TENM2: variants seen among roughly 807,000 people sequenced by gnomAD.
The protein encoded by TENM2 is teneurin-2.
TENM2 carries 52 observed loss-of-function variants against 245.2 expected under a neutral mutation model. That is an observed-to-expected ratio of 0.21 (90% CI 0.17 to 0.27). The LOEUF is 0.27. TENM2 is among the 10% of genes least tolerant of loss of function. The probability of loss-of-function intolerance (pLI) is 1.00; values close to 1 mark genes in which losing one functional copy is unlikely to be tolerated. For synonymous variants in TENM2, 1,363 were observed against 1,438.9 expected (o/e 0.95, Z 1.19); for missense variants, 3,046 against 3,666.8 (o/e 0.83, Z 4.37).
the TENM2 span, among the ~76,000 whole-genome samples, chr5:167,138,803 A>G: frequency 6.6e-6 from 1 of 151,990 alleles, no homozygotes; most frequent in Admixed American, 6.6e-5. Flanking sequence ...TTGTGTTTTT[A>G]GTAGAGACAG....
At chr5:167,090,286 T>G in the TENM2 span, among the ~76,000 whole-genome samples, 1 of 146,300 alleles carries the variant, frequency 6.8e-6, no homozygotes, top group East Asian at 2.0e-4. Context: ...TTTCAAAGGT[T>G]TTTTTTTTTT....
At chr5:167,702,506 T>C (rs2150444784) in intron 2 of TENM2, among the ~76,000 whole-genome samples, 1 of 148,724 alleles carries the variant, frequency 6.7e-6, no homozygotes, top group South Asian at 2.1e-4. Flanking sequence ...TTTGTTTTAA[T>C]AAAGAAAGGG....
the TENM2 span, among the ~76,000 whole-genome samples, chr5:167,152,548 T>A: frequency 9.8e-5 from 15 of 152,322 alleles, no homozygotes; most frequent in African/African-American, 3.4e-4. Flanking sequence ...CTCTTACCTG[T>A]AGTCCAGGAT....
intron 2 of TENM2, among the ~76,000 whole-genome samples, chr5:167,661,719 C>A (rs886302191): frequency 6.6e-6 from 1 of 151,700 alleles, no homozygotes; most frequent in Non-Finnish European, 1.5e-5. Flanking sequence ...CACCTCCGAG[C>A]GCAGGGGTAT....
chr5:168,215,236 G>A (rs1763088214), exon 21 of TENM2: 2 of 1,613,932 alleles, frequency 1.2e-6, no homozygotes, highest in Non-Finnish European at 1.7e-6. Context: ...CGGGGATGGA[G>A]GGAAGGCCAT....
At chr5:167,862,241 A>ATATG (rs1554133553) in intron 2 of TENM2, among the ~76,000 whole-genome samples, 1 of 148,430 alleles carries the variant, frequency 6.7e-6, no homozygotes, top group Non-Finnish European at 1.5e-5. Flanking sequence ...AATTTAGAGT[A>ATATG]TGTGTGTGTG....
intron 2 of TENM2, among the ~76,000 whole-genome samples, chr5:167,515,845 T>A (rs1770347070): frequency 6.6e-6 from 1 of 151,644 alleles, no homozygotes; most frequent in Non-Finnish European, 1.5e-5. Context: ...ATATTTAGTT[T>A]AATCTATAAA....
At chr5:167,562,508 A>G (rs4044321) in intron 2 of TENM2, among the ~76,000 whole-genome samples, 88,084 of 151,862 alleles carry the variant, frequency 0.58, 26,108 homozygotes, top group Middle Eastern at 0.69. Context: ...TGCACTAACT[A>G]AGGTAAATTA....
chr5:167,226,322 C>A, the TENM2 span, among the ~76,000 whole-genome samples: 218 of 151,904 alleles, frequency 1.4e-3, 2 homozygotes, highest in African/African-American at 5.0e-3. Context: ...TTGCCCTAAC[C>A]CACAGATTTT....
At chr5:167,921,246 T>G (rs1265907326) in intron 3 of TENM2, among the ~76,000 whole-genome samples, 2 of 152,192 alleles carry the variant, frequency 1.3e-5, no homozygotes, top group African/African-American at 2.4e-5. Context: ...AAAAATATAT[T>G]TATTACATTT....
intron 10 of TENM2, among the ~76,000 whole-genome samples, chr5:168,122,314 C>T (rs920429724): frequency 6.6e-6 from 1 of 152,192 alleles, no homozygotes; most frequent in Admixed American, 6.5e-5. Context: ...GTAGCTGGGA[C>T]TACAGGCACC....
At chr5:167,257,570 T>A in the TENM2 span, among the ~76,000 whole-genome samples, 12 of 151,684 alleles carry the variant, frequency 7.9e-5, no homozygotes, top group African/African-American at 2.9e-4. Context: ...GCAAGTTAAT[T>A]GAGGCGAAGC....
At chr5:168,034,146 TATGTGTATATATATATGTATATATATAC>T (rs1301046405) in intron 5 of TENM2, among the ~76,000 whole-genome samples, 18,563 of 133,916 alleles carry the variant, frequency 0.14, 1,579 homozygotes, top group Admixed American at 0.24. Context: ...TATACATATA[TATGTGTATATATATATGTATATATATAC>T]ACACACACAC....
chr5:167,760,799 G>A (rs151197895), intron 2 of TENM2, among the ~76,000 whole-genome samples: 14 of 152,246 alleles, frequency 9.2e-5, no homozygotes, highest in African/African-American at 1.7e-4. Flanking sequence ...GATTACAGGC[G>A]CGTGCCACGA....
chr5:167,842,857 G>A (rs11738127), intron 2 of TENM2, among the ~76,000 whole-genome samples: 8,095 of 152,170 alleles, frequency 0.053, 256 homozygotes, highest in Non-Finnish European at 0.055. Flanking sequence ...GGCCAGTGGC[G>A]CACACTTAGC....
intron 2 of TENM2, among the ~76,000 whole-genome samples, chr5:167,838,911 A>G (rs544614273): frequency 7.9e-5 from 12 of 152,188 alleles, no homozygotes; most frequent in Non-Finnish European, 1.6e-4. Flanking sequence ...TAAGCACCTG[A>G]TGGCTGAGAC....
intron 1 of TENM2, among the ~76,000 whole-genome samples, chr5:167,337,123 C>CAAAAAAAAAAAAAAAAAAAAA (rs71591174): frequency 1.8e-5 from 1 of 56,668 alleles, no homozygotes; most frequent in African/African-American, 8.9e-5. Flanking sequence ...GACTCCGTCT[C>CAAAAAAAAAAAAAAAAAAAAA]AAAAAAAAAA....
chr5:167,711,118 A>T (rs1004916563), intron 2 of TENM2, among the ~76,000 whole-genome samples: 1 of 152,198 alleles, frequency 6.6e-6, no homozygotes, highest in African/African-American at 2.4e-5. Context: ...CAAAGGTTCA[A>T]AACTAACAAG....
At chr5:167,992,171 C>A (rs531057343) in intron 4 of TENM2, among the ~76,000 whole-genome samples, 76 of 152,088 alleles carry the variant, frequency 5.0e-4, no homozygotes, top group Non-Finnish European at 9.6e-4. Context: ...GTATAGTGGA[C>A]ACTGCTCTGA....
Sources: allele counts gnomAD v4.1 joint callset (sites outside exome capture counted in the v4.1 genomes callset), GRCh38; gene constraint gnomAD v4.1.1; transcripts MANE v1.5; gene names NCBI Gene and HGNC (gene_info 2026-07-23, HGNC 2026-07-21).